Variants in GNAQ observed in about 807,000 individuals in gnomAD.
GNAQ encodes the protein G protein subunit alpha q, also known as guanine nucleotide-binding protein G(q) subunit alpha.
In GNAQ, 8 loss-of-function variants were observed where a neutral mutation model predicts 43.9. That is an observed-to-expected ratio of 0.18 (90% CI 0.11 to 0.33). The LOEUF (loss-of-function observed/expected upper bound fraction) is 0.33, where lower values mean the gene tolerates loss of function less well. Ranked by LOEUF, GNAQ falls within the 10% of genes least tolerant of loss-of-function variation. The pLI, the probability that GNAQ is intolerant of heterozygous loss-of-function variation, is 1.00. For synonymous variants in GNAQ, 155 were observed against 170.7 expected (o/e 0.91, Z 0.71); for missense variants, 158 against 450.8 (o/e 0.35, Z 5.88).
chr9:78,027,551 G>C (rs995660995), intron 1 of GNAQ, among the ~76,000 whole-genome samples: 1 of 151,850 alleles, frequency 6.6e-6, no homozygotes, highest in African/African-American at 2.4e-5. Context: ...GGCCTGTCGC[G>C]ACCAGCCTGA....
intron 3 of GNAQ, among the ~76,000 whole-genome samples, chr9:77,810,497 G>C (rs745834338): frequency 3.9e-4 from 60 of 152,256 alleles, no homozygotes; most frequent in Non-Finnish European, 7.6e-4. Context: ...ACATGTAAAT[G>C]ACCAAGCACA....
At chr9:77,751,332 C>T (rs1048476279) in intron 5 of GNAQ, among the ~76,000 whole-genome samples, 61 of 152,134 alleles carry the variant, frequency 4.0e-4, no homozygotes, top group African/African-American at 1.3e-3. Context: ...ATAAAAATAT[C>T]CTAGAATGGG....
intron 2 of GNAQ, among the ~76,000 whole-genome samples, chr9:77,863,789 C>A (rs1389119487): frequency 1.3e-5 from 2 of 152,126 alleles, no homozygotes; most frequent in African/African-American, 4.8e-5. Context: ...TGGCTGGCAG[C>A]AGGCAAAGAG....
chr9:77,958,853 C>G (rs1823073349), intron 1 of GNAQ, among the ~76,000 whole-genome samples: 1 of 152,134 alleles, frequency 6.6e-6, no homozygotes, highest in Non-Finnish European at 1.5e-5. Flanking sequence ...TGATTTCAAC[C>G]CCAAAACTAG....
At chr9:77,977,754 T>C (rs1357731210) in intron 1 of GNAQ, among the ~76,000 whole-genome samples, 1 of 152,200 alleles carries the variant, frequency 6.6e-6, no homozygotes. Flanking sequence ...AGAAGGCTAG[T>C]GGGGTTCTTT....
intron 1 of GNAQ, among the ~76,000 whole-genome samples, chr9:77,974,776 T>C (rs1823278019): frequency 6.6e-6 from 1 of 152,216 alleles, no homozygotes; most frequent in Non-Finnish European, 1.5e-5. Context: ...TACCCCACGT[T>C]CTAAGGTTTA....
chr9:77,965,395 T>C (rs1222970635), intron 1 of GNAQ, among the ~76,000 whole-genome samples: 2 of 152,114 alleles, frequency 1.3e-5, no homozygotes, highest in Non-Finnish European at 1.5e-5. Context: ...AATTAAAAAC[T>C]GCTTGTCAAA....
At chr9:77,795,536 G>A (rs963246038) in intron 4 of GNAQ, among the ~76,000 whole-genome samples, 1 of 152,154 alleles carries the variant, frequency 6.6e-6, no homozygotes, top group Non-Finnish European at 1.5e-5. Context: ...AATTGCAGTT[G>A]CTCCTGGTGT....
chr9:78,007,911 A>C (rs1425343659), intron 1 of GNAQ, among the ~76,000 whole-genome samples: 1 of 152,248 alleles, frequency 6.6e-6, no homozygotes, highest in Non-Finnish European at 1.5e-5. Context: ...CTGTAAACCT[A>C]GGTACAGAAC....
chr9:77,884,152 A>G (rs937232668), intron 2 of GNAQ, among the ~76,000 whole-genome samples: 3 of 152,214 alleles, frequency 2.0e-5, no homozygotes, highest in Admixed American at 6.5e-5. Context: ...TAGCATTTCT[A>G]TAGCTTCAGA....
At chr9:77,885,855 C>T (rs1467965482) in intron 2 of GNAQ, among the ~76,000 whole-genome samples, 1 of 151,054 alleles carries the variant, frequency 6.6e-6, no homozygotes, top group Non-Finnish European at 1.5e-5. Flanking sequence ...GTTGAAACTA[C>T]ATTCAAATTC....
intron 2 of GNAQ, among the ~76,000 whole-genome samples, chr9:77,891,536 GCT>G (rs1828405246): frequency 6.6e-6 from 1 of 152,130 alleles, no homozygotes; most frequent in Admixed American, 6.5e-5. Flanking sequence ...TGTTGCTATT[GCT>G]CTGTCTTTAT....
At chr9:77,795,827 G>A (rs1211440367) in intron 4 of GNAQ, among the ~76,000 whole-genome samples, 1 of 152,194 alleles carries the variant, frequency 6.6e-6, no homozygotes, top group Non-Finnish European at 1.5e-5. Flanking sequence ...GCTTCTGATG[G>A]TGGTGGAAAA....
At chr9:77,792,736 GTCC>G (rs1826595277) in intron 5 of GNAQ, among the ~76,000 whole-genome samples, 3 of 152,002 alleles carry the variant, frequency 2.0e-5, no homozygotes, top group Admixed American at 2.0e-4. Flanking sequence ...ATAAACACTT[GTCC>G]TCCTCTAGCT....
intron 5 of GNAQ, among the ~76,000 whole-genome samples, chr9:77,771,569 A>G (rs993643424): frequency 1.3e-5 from 2 of 152,168 alleles, no homozygotes; most frequent in Admixed American, 6.5e-5. Context: ...TGGGTATGGG[A>G]AAAAAATGAT....
At chr9:77,842,933 T>C (rs1456125810) in intron 2 of GNAQ, among the ~76,000 whole-genome samples, 1 of 152,224 alleles carries the variant, frequency 6.6e-6, no homozygotes, top group Non-Finnish European at 1.5e-5. Context: ...CCATCCCTAC[T>C]GAAAGGGCTC....
At chr9:77,837,056 G>T (rs1338169559) in intron 2 of GNAQ, among the ~76,000 whole-genome samples, 2 of 152,064 alleles carry the variant, frequency 1.3e-5, no homozygotes, top group Non-Finnish European at 1.5e-5. Flanking sequence ...GAGAATAAAT[G>T]GACATATGAA....
chr9:78,030,410 G>A (rs1824036323), intron 1 of GNAQ: 3 of 417,368 alleles, frequency 7.2e-6, no homozygotes, highest in Middle Eastern at 3.5e-4. Context: ...CGATGGTCTG[G>A]TGGCTAGAGA....
chr9:77,872,787 G>T (rs1175240864), intron 2 of GNAQ, among the ~76,000 whole-genome samples: 1 of 151,938 alleles, frequency 6.6e-6, no homozygotes, highest in East Asian at 1.9e-4. Context: ...GCCTCTTTAG[G>T]GATACAATAC....
Sources: allele counts gnomAD v4.1 joint callset (sites outside exome capture counted in the v4.1 genomes callset), GRCh38; gene constraint gnomAD v4.1.1; transcripts MANE v1.5; gene names NCBI Gene and HGNC (gene_info 2026-07-23, HGNC 2026-07-21).